Variants in LHX8 observed in about 807,000 individuals in gnomAD.
LHX8 encodes the protein LIM homeobox 8, also known as LIM/homeobox protein Lhx8.
LHX8 carries 12 observed loss-of-function variants against 40.3 expected under a neutral mutation model. The observed-to-expected ratio is 0.30, with a 90% CI of 0.19 to 0.48. The LOEUF (loss-of-function observed/expected upper bound fraction) is 0.48. LHX8 is among the 20% of genes least tolerant of loss of function. LHX8 has a pLI of 0.99. For missense variants in LHX8, 344 were observed against 433.7 expected (o/e 0.79, Z 1.84); for synonymous variants, 179 against 162.0 (o/e 1.10, Z -0.80).
chr1:75,160,845 C>CA lies in LHX8; in HGVS notation c.992dup (p.Pro332AlafsTer45). The CA allele has an allele frequency of 6.2e-7, 1 of 1,613,252 alleles. No individual in the cohort carries two copies. Among genetic ancestry groups the CA allele is most frequent in the Non-Finnish European group, 8.5e-7 (1 of 1,179,270 alleles). On this transcript the variant is annotated frameshift_variant, in exon 9 of 9. Coordinates refer to ENST00000356261, the MANE Select transcript of LHX8 (RefSeq NM_001256114.2). LOFTEE classifies it high-confidence loss of function. The stretch of plus-strand genomic sequence containing the variant: ...TCATTCACCAACAACTCTTGGACTC[C>CA]AGCCCTTGTTACCCCATTCAATGAC...
At chr1:75,154,734 C>G (rs1272742620) in intron 7 of LHX8, among the ~76,000 whole-genome samples, 1 of 152,120 alleles carries the variant, frequency 6.6e-6, no homozygotes, top group East Asian at 1.9e-4. Context: ...CTGAGTCTCA[C>G]TAACACTCCA....
chr1:75,170,185 A>G, the LHX8 span, among the ~76,000 whole-genome samples: 1 of 152,212 alleles, frequency 6.6e-6, no homozygotes, highest in Non-Finnish European at 1.5e-5. Flanking sequence ...CTTTTGGACT[A>G]TCGAGTACAA....
chr1:75,193,442 C>T, the LHX8 span, among the ~76,000 whole-genome samples: 2 of 152,132 alleles, frequency 1.3e-5, no homozygotes, highest in African/African-American at 2.4e-5. Context: ...CTGGGACAGC[C>T]AGAGGTTCCA....
Position 75,143,173 on chromosome 1 carries a change from G to A in LHX8, c.415G>A (p.Val139Ile), listed in dbSNP as rs745723075. ...GAGACACATCCATTCTACTGACTGGGTCCGGAGAGCCAAGGGGAATGTCTA... is the reference window on the plus strand; with the variant it reads ...GAGACACATCCATTCTACTGACTGGATCCGGAGAGCCAAGGGGAATGTCTA... ...CGRHIHSTDW[V>I]RRAKGNVYHL... Residue 139 changes from valine (V) to isoleucine (I), a missense_variant, in exon 5 of 9, where the codon GTC (valine) becomes ATC (isoleucine). Val to Ile is a conservative substitution (Grantham distance 29). Transcript: ENST00000356261. 1 of 1,613,758 alleles carries A rather than the reference G, an allele frequency of 6.2e-7. No homozygotes were observed. The highest frequency in any genetic ancestry group is 8.5e-7 in the Non-Finnish European group (1 of 1,179,762).
chr1:75,170,599 T>G, the LHX8 span, among the ~76,000 whole-genome samples: 1 of 152,286 alleles, frequency 6.6e-6, no homozygotes, highest in East Asian at 1.9e-4. Context: ...GATAATAAGT[T>G]TTAAATCAGG....
At chr1:75,150,314 A>G (rs1648571166) in intron 7 of LHX8, among the ~76,000 whole-genome samples, 1 of 152,226 alleles carries the variant, frequency 6.6e-6, no homozygotes, top group Non-Finnish European at 1.5e-5. Context: ...GTGAAAGTCA[A>G]AAGAAAGCTG....
the LHX8 span, among the ~76,000 whole-genome samples, chr1:75,187,282 C>A: frequency 1.8e-4 from 28 of 152,126 alleles, no homozygotes; most frequent in Admixed American, 1.8e-3. Context: ...ATGAGTCCAG[C>A]TCCCAACTCA....
the LHX8 span, among the ~76,000 whole-genome samples, chr1:75,186,106 G>T: frequency 6.6e-6 from 1 of 152,092 alleles, no homozygotes; most frequent in African/African-American, 2.4e-5. Flanking sequence ...CATTAAAATG[G>T]CTGTACTGCC....
chr1:75,144,659 A>G (rs72679686), intron 6 of LHX8, among the ~76,000 whole-genome samples: 76 of 152,288 alleles, frequency 5.0e-4, no homozygotes, highest in Non-Finnish European at 5.1e-4. Flanking sequence ...ATAAACCTAT[A>G]TAATGATTCC....
intron 7 of LHX8, among the ~76,000 whole-genome samples, chr1:75,154,950 G>A (rs1433358432): frequency 6.6e-6 from 1 of 152,026 alleles, no homozygotes; most frequent in Non-Finnish European, 1.5e-5. Flanking sequence ...TGAATGCCAG[G>A]GGCAGGGTGT....
the LHX8 span, among the ~76,000 whole-genome samples, chr1:75,186,202 C>T: frequency 6.6e-6 from 1 of 152,120 alleles, no homozygotes; most frequent in African/African-American, 2.4e-5. Context: ...TTTTAACATT[C>T]ATATGGAACC....
chr1:75,173,374 CTTTTTTTTTTTT>C, the LHX8 span, among the ~76,000 whole-genome samples: 2 of 96,464 alleles, frequency 2.1e-5, no homozygotes, highest in East Asian at 2.9e-4. Flanking sequence ...GATATATACT[CTTTTTTTTTTTT>C]TTTTTTTTTT....
the LHX8 span, among the ~76,000 whole-genome samples, chr1:75,179,782 C>A: frequency 6.6e-6 from 1 of 152,086 alleles, no homozygotes; most frequent in Non-Finnish European, 1.5e-5. Context: ...TTCTTCCTAG[C>A]AGCGATGGTC....
At chr1:75,140,862 A>T in intron 3 of LHX8, 123 bp from the exon 4 acceptor site, 1 of 909,274 alleles carries the variant, frequency 1.1e-6, no homozygotes, top group South Asian at 1.4e-5. Flanking sequence ...CATCTTTTGG[A>T]TGAAAACATT....
chr1:75,197,839 G>T, the LHX8 span, among the ~76,000 whole-genome samples: 1 of 152,160 alleles, frequency 6.6e-6, no homozygotes, highest in Admixed American at 6.5e-5. Context: ...ACAAACTCAT[G>T]GAACAGGGGC....
At position 75,156,977 on chromosome 1, in the gene LHX8, C is replaced by T. The variant is rs201945188; in HGVS notation, c.865C>T (p.Pro289Ser). ...CTCCACCCCAGTCACAGCAGTCCCA[C>T]CCTCCAGGCTGTCTCCACCCATGTT... ...SSSTPVTAVP[P>S]SRLSPPMLEE... The change falls in exon 8 of 9, where the codon CCC becomes TCC. Residue 289 changes from proline to serine, a missense_variant. By Grantham distance (74) the Pro-to-Ser change is moderately conservative. Coordinates refer to ENST00000356261, the MANE Select transcript of LHX8 (RefSeq NM_001256114.2). 6.2e-7 allele frequency: 1 copy of T among 1,614,156 alleles called. No individual in the cohort carries two copies. Among genetic ancestry groups the T allele is most frequent in the Non-Finnish European group, 8.5e-7 (1 of 1,180,016 alleles).
At chr1:75,192,320 T>G in the LHX8 span, among the ~76,000 whole-genome samples, 1 of 152,210 alleles carries the variant, frequency 6.6e-6, no homozygotes, top group African/African-American at 2.4e-5. Context: ...TGTTATAAAC[T>G]TCCTCAAGTT....
intron 3 of LHX8, among the ~76,000 whole-genome samples, chr1:75,138,781 T>C (rs1648224013): frequency 6.6e-6 from 1 of 152,178 alleles, no homozygotes; most frequent in Admixed American, 6.5e-5. Flanking sequence ...GTGTTAATCT[T>C]GTATACATTT....
chr1:75,191,881 TGTCTGTTAGCTCAACA>T, the LHX8 span, among the ~76,000 whole-genome samples: 1 of 152,308 alleles, frequency 6.6e-6, no homozygotes, highest in South Asian at 2.1e-4. Flanking sequence ...AAGCCAAGTA[TGTCTGTTAGCTCAACA>T]GTCTGTGCAC....
Sources: allele counts gnomAD v4.1 joint callset (sites outside exome capture counted in the v4.1 genomes callset), GRCh38; gene constraint gnomAD v4.1.1; transcripts MANE v1.5; gene names NCBI Gene and HGNC (gene_info 2026-07-23, HGNC 2026-07-21).